Variants in MYO3A observed in about 807,000 individuals in gnomAD.
The protein encoded by MYO3A is myosin IIIA, also known as myosin-IIIa.
A neutral mutation model predicts 192.7 loss-of-function variants in MYO3A; 180 were observed. The ratio of observed to expected loss-of-function variants is 0.93; its 90% CI spans 0.83 to 1.06. The LOEUF is 1.06. Among genes scored for constraint, MYO3A ranks in the 50% least tolerant of loss-of-function variants. The pLI is 0.00. For synonymous variants in MYO3A, 628 were observed against 645.3 expected, an observed-to-expected ratio of 0.97 and a Z score of 0.41; for missense variants, 1,896 against 1,905.0, an observed-to-expected ratio of 1.00 and a Z score of 0.09.
Position 26,173,673 on chromosome 10 carries a change from G to T in MYO3A, c.3409G>T (p.Val1137Leu). The change falls in exon 30 of 35, where the codon GTG (valine) becomes TTG (leucine). Residue 1137 changes from valine (V) to leucine (L), a missense_variant. Physicochemically the swap from Val to Leu is conservative, Grantham distance 32. Transcript: ENST00000642920. ...KNFENTRESF[V>L]KKQAENAISA... Reference sequence around the variant, plus strand: ...ATATATTTTACACAGGGAATCTTTCGTGAAGAAACAAGCAGAAAATGCAAT... The same window carrying T: ...ATATATTTTACACAGGGAATCTTTCTTGAAGAAACAAGCAGAAAATGCAAT... 1 of 1,613,156 alleles carries T rather than the reference G, an allele frequency of 6.2e-7. No homozygotes were observed. Among genetic ancestry groups the T allele is most frequent in the East Asian group, 2.2e-5 (1 of 44,870 alleles).
chr10:26,187,150 C>T (rs1434010677), intron 31 of MYO3A, among the ~76,000 whole-genome samples: 1 of 152,088 alleles, frequency 6.6e-6, no homozygotes, highest in African/African-American at 2.4e-5. Context: ...CCAAACACTA[C>T]CACATGTAGA....
In MYO3A at chr10:26,055,597, C is replaced by G. The variant is rs185411119; in HGVS notation, c.954-11378C>G. Among the ~76,000 whole-genome samples, 1,143 of 152,266 alleles carry G rather than the reference C, an allele frequency of 7.5e-3. 36 individuals carry two copies. Among genetic ancestry groups the G allele is most frequent in the Admixed American group, 0.058 (880 of 15,300 alleles). On this transcript the variant is annotated intron_variant, in intron 10 of 34. Coordinates refer to ENST00000642920, the MANE Select transcript of MYO3A (RefSeq NM_017433.5). ...GCCTCCGTACTTTTATGGGTTTTAC[C>G]TCCAGATTAGTCAGGTTCTCACAGT...
chr10:26,176,631 G>T, intron 30 of MYO3A, 70 bp from the exon 31 acceptor site: 1 of 1,445,112 alleles, frequency 6.9e-7, no homozygotes. Flanking sequence ...GCGTTTCCCA[G>T]CCCCCGGTGC....
At chr10:25,970,053 A>G (rs1267487494) in intron 4 of MYO3A, among the ~76,000 whole-genome samples, 1 of 152,152 alleles carries the variant, frequency 6.6e-6, no homozygotes, top group Non-Finnish European at 1.5e-5. Context: ...CTTTAAAATT[A>G]TATGTGTCAA....
At chr10:26,019,113 C>T (rs1842138322) in intron 7 of MYO3A, among the ~76,000 whole-genome samples, 1 of 152,064 alleles carries the variant, frequency 6.6e-6, no homozygotes, top group Admixed American at 6.6e-5. Context: ...TCAAAGAAAC[C>T]TAGTACTCAT....
chr10:25,943,005 G>A (rs1222245503), intron 2 of MYO3A, among the ~76,000 whole-genome samples: 1 of 151,484 alleles, frequency 6.6e-6, no homozygotes, highest in African/African-American at 2.4e-5. Context: ...TGTCATATCC[G>A]AGAAATCATT....
intron 10 of MYO3A, among the ~76,000 whole-genome samples, chr10:26,027,425 G>A (rs1201100945): frequency 6.6e-6 from 1 of 151,916 alleles, no homozygotes; most frequent in Non-Finnish European, 1.5e-5. Flanking sequence ...GATCACTGTA[G>A]CCTCAACCTC....
chr10:26,211,598 G>A (rs1844218488), intron 34 of MYO3A, among the ~76,000 whole-genome samples: 1 of 151,544 alleles, frequency 6.6e-6, no homozygotes, highest in South Asian at 2.1e-4. Flanking sequence ...TAGTTAGCAC[G>A]TATCTAAACA....
At position 25,945,749 on chromosome 10, in the gene MYO3A, A is replaced by G. The variant is rs1389691403; in HGVS notation, c.-17-6345A>G. Among the ~76,000 whole-genome samples, 4 of 152,074 alleles carry G rather than the reference A, an allele frequency of 2.6e-5. No homozygotes were observed. The East Asian group carries it at 5.8e-4, about 22-fold the overall frequency. ...AGTTTAATCCATTTACATTTAAAAG[A>G]CCAATAGAGAAGAACTTACCATTAT... On this transcript the variant is annotated intron_variant, in intron 2 of 34. Transcript: ENST00000642920.
chr10:25,957,039 T>A (rs1448378543), intron 4 of MYO3A, among the ~76,000 whole-genome samples: 1 of 152,220 alleles, frequency 6.6e-6, no homozygotes, highest in Non-Finnish European at 1.5e-5. Flanking sequence ...GCTCCAATCA[T>A]GTTCCTGCAA....
intron 10 of MYO3A, among the ~76,000 whole-genome samples, chr10:26,051,153 T>C (rs965700447): frequency 5.3e-5 from 8 of 152,168 alleles, no homozygotes; most frequent in Admixed American, 5.2e-4. Flanking sequence ...ATTCTATTTA[T>C]ATATAAGCAA....
At chr10:26,162,608 G>T (rs1284277827) in intron 26 of MYO3A, among the ~76,000 whole-genome samples, 1 of 152,172 alleles carries the variant, frequency 6.6e-6, no homozygotes, top group Non-Finnish European at 1.5e-5. Flanking sequence ...TAATTTCATG[G>T]TTTTTTACAA....
In MYO3A at chr10:26,061,146, G is replaced by T. The variant is rs1265668714; in HGVS notation, c.954-5829G>T. 3.9e-5 allele frequency among the ~76,000 whole-genome samples: 6 copies of T among 151,934 alleles called. No individual in the cohort carries two copies. In the East Asian group the frequency reaches 1.2e-3, roughly 29 times the overall value. ...GGGTTTCACCGTGTTAGCCAGGATGGTCTCGATCTCCTGACCTCATGATCT... is the reference window on the plus strand; with the variant it reads ...GGGTTTCACCGTGTTAGCCAGGATGTTCTCGATCTCCTGACCTCATGATCT... On this transcript the variant is annotated intron_variant, in intron 10 of 34. Transcript: ENST00000642920.
intron 15 of MYO3A, among the ~76,000 whole-genome samples, chr10:26,089,544 T>C (rs139430400): frequency 0.014 from 2,041 of 150,658 alleles, 56 homozygotes; most frequent in African/African-American, 0.047. Flanking sequence ...GAGCTGGCAG[T>C]GAACCGAGAT....
chr10:26,204,862 G>T, intron 34 of MYO3A, among the ~76,000 whole-genome samples: 1 of 151,812 alleles, frequency 6.6e-6, no homozygotes, highest in Non-Finnish European at 1.5e-5. Context: ...CTCAGATAAG[G>T]TTTTTTTTTC....
chr10:26,187,774 G>T (rs1441911025), intron 31 of MYO3A, among the ~76,000 whole-genome samples: 1 of 151,750 alleles, frequency 6.6e-6, no homozygotes, highest in African/African-American at 2.4e-5. Flanking sequence ...AGTTCACTGA[G>T]AATGATGGTT....
intron 25 of MYO3A, among the ~76,000 whole-genome samples, 155 bp from the exon 26 acceptor site, chr10:26,157,155 T>C (rs1046322184): frequency 1.1e-4 from 16 of 152,374 alleles, no homozygotes; most frequent in South Asian, 1.0e-3. Flanking sequence ...AATAAAATGT[T>C]CATTAAAACA....
rs573944449 is a variant in MYO3A, at chr10:25,998,889, TTTTTG to T, written c.508+1651_508+1655del. Among the ~76,000 whole-genome samples, 98 of 152,206 alleles carry T rather than the reference TTTTTG, an allele frequency of 6.4e-4. 1 individual carries two copies. Among genetic ancestry groups the T allele is most frequent in the Non-Finnish European group, 1.2e-3 (84 of 67,996 alleles). ...AACAAATAAGGCAACCTTTTATATA[TTTTTG>T]TTTTGTTTTGTTTTGTTTTTTGAGA... On this transcript the variant is annotated intron_variant, in intron 6 of 34. Transcript: ENST00000642920.
intron 10 of MYO3A, among the ~76,000 whole-genome samples, chr10:26,056,718 TCA>T (rs1358078838): frequency 6.6e-6 from 1 of 152,176 alleles, no homozygotes. Flanking sequence ...CTATCTTCCC[TCA>T]CAAAATCTGA....
Sources: gnomAD v4.1 joint callset for allele counts (sites outside exome capture counted in the v4.1 genomes callset) on GRCh38, gnomAD v4.1.1 for gene constraint, MANE v1.5 for transcripts, NCBI Gene and HGNC (gene_info 2026-07-23, HGNC 2026-07-21) for gene names.